Variants in CSMD1 observed in about 807,000 individuals in gnomAD.
CSMD1 encodes CUB and Sushi multiple domains 1.
A neutral mutation model predicts 417.5 loss-of-function variants in CSMD1; 213 were observed. The ratio of observed to expected loss-of-function variants is 0.51; its 90% CI spans 0.46 to 0.57. CSMD1 has a LOEUF of 0.57. CSMD1 is among the 20% of genes least tolerant of loss of function. The pLI, the probability that CSMD1 is intolerant of heterozygous loss-of-function variation, is 0.00. For synonymous variants in CSMD1, 2,862 were observed against 1,736.8 expected (o/e 1.65, Z -16.11); for missense variants, 6,923 against 4,529.7 (o/e 1.53, Z -15.17).
intron 3 of CSMD1, among the ~76,000 whole-genome samples, chr8:4,269,292 G>A (rs927464130): frequency 3.3e-5 from 5 of 152,086 alleles, no homozygotes; most frequent in African/African-American, 1.2e-4. Context: ...TCCAACTCTT[G>A]ATCTCAGGTG....
At chr8:4,425,054 A>T (rs1438661932) in intron 2 of CSMD1, among the ~76,000 whole-genome samples, 1 of 152,136 alleles carries the variant, frequency 6.6e-6, no homozygotes, top group Non-Finnish European at 1.5e-5. Context: ...ATTGAGGATA[A>T]TTTAGTAATT....
intron 26 of CSMD1, among the ~76,000 whole-genome samples, chr8:3,264,985 C>T (rs1417075670): frequency 6.6e-6 from 1 of 152,138 alleles, no homozygotes; most frequent in Non-Finnish European, 1.5e-5. Flanking sequence ...CCAGGGTCTG[C>T]ACCCCAGCTG....
chr8:3,654,476 C>G (rs988732544), intron 7 of CSMD1, among the ~76,000 whole-genome samples: 1 of 152,046 alleles, frequency 6.6e-6, no homozygotes, highest in Non-Finnish European at 1.5e-5. Context: ...TACACAGGAG[C>G]TTTTAAAAAT....
At chr8:4,721,523 A>G (rs567621215) in intron 1 of CSMD1, among the ~76,000 whole-genome samples, 54 of 152,182 alleles carry the variant, frequency 3.5e-4, no homozygotes, top group Non-Finnish European at 6.2e-4. Flanking sequence ...ATTACCTCAC[A>G]TCTGTTAGTA....
chr8:3,545,115 G>A (rs1798604292), intron 10 of CSMD1, among the ~76,000 whole-genome samples: 1 of 152,158 alleles, frequency 6.6e-6, no homozygotes, highest in South Asian at 2.1e-4. Flanking sequence ...AGGTATCAAA[G>A]CAGATCGTCT....
chr8:3,993,447 G>A (rs1299415760), intron 5 of CSMD1, among the ~76,000 whole-genome samples: 3 of 152,106 alleles, frequency 2.0e-5, no homozygotes, highest in Admixed American at 6.6e-5. Context: ...ACCCATTCAA[G>A]CGTTCTTTGA....
chr8:4,715,198 G>T (rs1413993418), intron 1 of CSMD1, among the ~76,000 whole-genome samples: 7 of 152,110 alleles, frequency 4.6e-5, no homozygotes, highest in Admixed American at 3.9e-4. Context: ...AGAAAACGAA[G>T]AAATATGAAG....
intron 17 of CSMD1, among the ~76,000 whole-genome samples, chr8:3,389,932 CTGTT>C (rs909421256): frequency 5.8e-4 from 88 of 152,178 alleles, no homozygotes; most frequent in African/African-American, 2.0e-3. Context: ...TCATTACAAA[CTGTT>C]TGAATGGAGA....
intron 3 of CSMD1, among the ~76,000 whole-genome samples, chr8:4,057,218 T>G (rs1195805232): frequency 1.3e-5 from 2 of 152,140 alleles, no homozygotes; most frequent in Non-Finnish European, 2.9e-5. Context: ...TTTTAATGAT[T>G]GCCATTCTAA....
At chr8:4,631,461 C>A (rs1802509347) in intron 2 of CSMD1, among the ~76,000 whole-genome samples, 1 of 150,054 alleles carries the variant, frequency 6.7e-6, no homozygotes, top group Non-Finnish European at 1.5e-5. Context: ...CTTGTAGCAA[C>A]TATGGAGACA....
At chr8:4,021,397 C>A (rs1163936582) in intron 4 of CSMD1, among the ~76,000 whole-genome samples, 3 of 152,178 alleles carry the variant, frequency 2.0e-5, no homozygotes, top group African/African-American at 7.2e-5. Context: ...CTGTGGCTCA[C>A]ATTATGGATT....
chr8:4,193,118 C>T (rs73658456), intron 3 of CSMD1, among the ~76,000 whole-genome samples: 1 of 152,146 alleles, frequency 6.6e-6, no homozygotes, highest in Non-Finnish European at 1.5e-5. Flanking sequence ...TTTGAATTCT[C>T]TGAGCTTTCA....
chr8:4,132,578 T>G (rs1803177834), intron 3 of CSMD1, among the ~76,000 whole-genome samples: 1 of 152,202 alleles, frequency 6.6e-6, no homozygotes, highest in Non-Finnish European at 1.5e-5. Flanking sequence ...TGCTATAGCA[T>G]ACATCATCAA....
At chr8:4,410,746 T>A (rs951967483) in intron 3 of CSMD1, among the ~76,000 whole-genome samples, 8 of 152,096 alleles carry the variant, frequency 5.3e-5, no homozygotes, top group Non-Finnish European at 8.8e-5. Context: ...ATGATTAAGA[T>A]GAAAAATATT....
intron 41 of CSMD1, among the ~76,000 whole-genome samples, chr8:3,130,704 C>T (rs576504445): frequency 7.2e-5 from 11 of 152,158 alleles, no homozygotes; most frequent in African/African-American, 2.4e-4. Flanking sequence ...TCCTTCCAGT[C>T]CTTCAAATCT....
chr8:3,936,343 G>C (rs935078128), intron 5 of CSMD1, among the ~76,000 whole-genome samples: 1 of 152,156 alleles, frequency 6.6e-6, no homozygotes, highest in Non-Finnish European at 1.5e-5. Flanking sequence ...AAGCAGCCTT[G>C]TATTAGAAGA....
chr8:3,963,309 C>T (rs1275349877), intron 5 of CSMD1, among the ~76,000 whole-genome samples: 1 of 152,150 alleles, frequency 6.6e-6, no homozygotes, highest in Non-Finnish European at 1.5e-5. Context: ...AAATCCATGG[C>T]TCTCACCCAG....
At position 4,129,755 on chromosome 8, in the gene CSMD1, T is replaced by C. The variant is rs149900586; in HGVS notation, c.416-97656A>G. On this transcript the variant is annotated intron_variant, in intron 3 of 69. Coordinates refer to ENST00000635120, the MANE Select transcript of CSMD1 (RefSeq NM_033225.6). The stretch of plus-strand genomic sequence containing the variant: ...GGCCCTTTCAATCTGGAAATAACCA[T>C]CCTGGAAAATTTCTTCAACAATTTA... 3.7e-3 allele frequency among the ~76,000 whole-genome samples: 565 copies of C among 152,256 alleles called. 4 individuals carry two copies. Among genetic ancestry groups the C allele is most frequent in the African/African-American group, 0.013 (530 of 41,550 alleles).
chr8:3,423,312 A>G (rs1813613741), intron 12 of CSMD1, among the ~76,000 whole-genome samples: 1 of 152,102 alleles, frequency 6.6e-6, no homozygotes, highest in African/African-American at 2.4e-5. Context: ...AATTTCCTCC[A>G]TATCCATTTT....
Sources: gnomAD v4.1 joint callset for allele counts (sites outside exome capture counted in the v4.1 genomes callset) on GRCh38, gnomAD v4.1.1 for gene constraint, MANE v1.5 for transcripts, NCBI Gene and HGNC (gene_info 2026-07-23, HGNC 2026-07-21) for gene names.